The following DCLRE1B variants were observed in gnomAD, a reference collection of about 807,000 sequenced individuals.
DCLRE1B encodes the protein DNA cross-link repair 1B, also known as 5' exonuclease Apollo.
DCLRE1B carries 6 observed loss-of-function variants against 19.8 expected under a neutral mutation model. The observed-to-expected ratio is 0.30, with a 90% CI of 0.17 to 0.60. The LOEUF is 0.60. DCLRE1B is among the 20% of genes least tolerant of loss of function. The pLI, the probability that DCLRE1B is intolerant of heterozygous loss-of-function variation, is 0.87. For synonymous variants in DCLRE1B, 258 were observed against 255.7 expected (o/e 1.01, Z -0.09); for missense variants, 622 against 654.2 (o/e 0.95, Z 0.54).
rs1668895381 is a variant in DCLRE1B at position 113,905,758 on chromosome 1, T to C, written c.172T>C (p.Leu58=). The C allele has an allele frequency of 6.2e-7, 1 of 1,613,436 alleles. No individual in the cohort carries two copies. Among genetic ancestry groups the C allele is most frequent in the Non-Finnish European group, 8.5e-7 (1 of 1,179,662 alleles). ...CTGCTCCCCAATTACAGCCCACCTCTTGCATCGTCACCTACAGGTATGGGG... is the reference window on the plus strand; with the variant it reads ...CTGCTCCCCAATTACAGCCCACCTCCTGCATCGTCACCTACAGGTATGGGG... ...LYCSPITAHL[L]HRHLQVSKQW... is the part of the protein sequence containing the mutation. The change falls in exon 1 of 4, where the codon TTG becomes CTG. Residue 58 remains leucine (L), a synonymous_variant. Transcript: ENST00000650450.
At chr1:113,906,083 G>A (rs1228861662) in intron 1 of DCLRE1B, among the ~76,000 whole-genome samples, 1 of 117,174 alleles carries the variant, frequency 8.5e-6, no homozygotes, top group Non-Finnish European at 1.6e-5. Flanking sequence ...TTGAGACGGA[G>A]TCTCGCTCTG....
rs1260684779 is a variant in DCLRE1B, at chr1:113,911,242, C to T, written c.650C>T (p.Ala217Val). Reference sequence around the variant, plus strand: ...GAGTTGGTACAGCTACTGGGCCTGGCAGATGTGTTCACAGTGGAGGAGAAG... The same window carrying T: ...GAGTTGGTACAGCTACTGGGCCTGGTAGATGTGTTCACAGTGGAGGAGAAG... Reference protein sequence around the residue: ...RLELVQLLGLADVFTVEEKAG... With the variant: ...RLELVQLLGLVDVFTVEEKAG... Residue 217 changes from alanine (A) to valine (V), a missense_variant, in exon 4 of 4, where the codon GCA becomes GTA. Ala to Val is a moderately conservative substitution (Grantham distance 64). Around this residue, in one of 3 missense-constraint regions of DCLRE1B, gnomAD observed 382 missense variants for 412.5 expected, o/e 0.93. Transcript: ENST00000650450. 1.2e-6 allele frequency: 2 copies of T among 1,614,122 alleles called. No homozygotes were observed. Among genetic ancestry groups the T allele is most frequent in the Non-Finnish European group, 1.7e-6 (2 of 1,180,018 alleles).
chr1:113,905,103 T>G (rs1287331103), upstream of DCLRE1B: 3 of 361,540 alleles, frequency 8.3e-6, no homozygotes, highest in African/African-American at 4.2e-5. Flanking sequence ...ATAGGCCCAA[T>G]CTTGCTTTCT....
chr1:113,912,258 T>A lies in DCLRE1B; in HGVS notation c.*67T>A. 2.0e-6 allele frequency: 3 copies of A among 1,476,384 alleles called. No individual in the cohort carries two copies. Among genetic ancestry groups the A allele is most frequent in the Non-Finnish European group, 2.7e-6 (3 of 1,103,954 alleles). 91.5% of individuals were successfully genotyped at this position (1,476,384 alleles called of 1,614,324 possible). A position where few individuals can be genotyped will look rare whatever the true frequency, so the allele number is the denominator to read the frequency against. ...AGTTTTGAAGATAGTAACTGATGGCTGGTGGGAAAGAGTTTGTTTTTGGGG... is the reference window on the plus strand; with the variant it reads ...AGTTTTGAAGATAGTAACTGATGGCAGGTGGGAAAGAGTTTGTTTTTGGGG... On this transcript the variant is annotated 3_prime_UTR_variant, in exon 4 of 4. Transcript: ENST00000650450.
chr1:113,905,480 C>G lies in DCLRE1B; in HGVS notation c.-107C>G. The G allele has an allele frequency of 8.6e-7, 1 of 1,167,126 alleles. No homozygotes were observed. Among genetic ancestry groups the G allele is most frequent in the South Asian group, 1.3e-5 (1 of 76,064 alleles). 72.3% of individuals were successfully genotyped at this position (1,167,126 alleles called of 1,614,324 possible). On this transcript the variant is annotated 5_prime_UTR_variant, in exon 1 of 4. Coordinates refer to ENST00000650450, the MANE Select transcript of DCLRE1B (RefSeq NM_022836.4). ...GCTCTTTCCCTTAGGGTCTCTGGCC[C>G]TGTTCTTGCCCCAGCATGACTTTTA...
rs1230002539 is a variant in DCLRE1B, at chr1:113,905,529, C to T, written c.-58C>T. 2.5e-6 allele frequency: 4 copies of T among 1,570,134 alleles called. No homozygotes were observed. Among genetic ancestry groups the T allele is most frequent in the Non-Finnish European group, 3.5e-6 (4 of 1,150,468 alleles). ...TATCGGGACGCCGTTGTGGAAGCCT[C>T]ACGCAGGAGCCCTGCCCCCGTGGAG... On this transcript the variant is annotated 5_prime_UTR_variant, in exon 1 of 4. Transcript: ENST00000650450.
chr1:113,905,571 C>T lies in DCLRE1B; in HGVS notation c.-16C>T, dbSNP rs1426833413. 9.3e-6 allele frequency: 15 copies of T among 1,613,464 alleles called. No homozygotes were observed. Among genetic ancestry groups the T allele is most frequent in the African/African-American group, 2.7e-5 (2 of 74,914 alleles). ...CCCGTGGAGAAGATCCCACTGGTGA[C>T]TCCAACCCTACCACCATGAATGGGG... On this transcript the variant is annotated 5_prime_UTR_variant, in exon 1 of 4. Transcript: ENST00000650450.
In DCLRE1B at chr1:113,905,368, A is replaced by G. The variant is rs560103041; in HGVS notation, c.-219A>G. 39 of 557,116 alleles carry G rather than the reference A, an allele frequency of 7.0e-5. No individual in the cohort carries two copies. In the East Asian group the frequency reaches 1.2e-3, roughly 18 times the overall value. The allele number at this position is 557,116 out of a possible 1,614,324, so 34.5% of individuals were successfully genotyped here. A position where few individuals can be genotyped will look rare whatever the true frequency, so the allele number is the denominator to read the frequency against. On this transcript the variant is annotated 5_prime_UTR_variant, in exon 1 of 4. Transcript: ENST00000650450. ...CGGCCTCCGCTCCCGCGCGGTTGGG[A>G]GTGTCCAGCGCCCTCCGCGATTTGG...
chr1:113,906,202 G>T (rs1245975775), intron 1 of DCLRE1B, among the ~76,000 whole-genome samples: 2 of 151,704 alleles, frequency 1.3e-5, no homozygotes, highest in South Asian at 2.1e-4. Flanking sequence ...GATTACAGGC[G>T]CACGCCACCA....
Position 113,907,036 on chromosome 1 carries a change from G to A in DCLRE1B, c.230G>A (p.Ser77Asn). Reference protein sequence around the residue: ...QWIQALEVGESHVLPLDEIGQ... With the variant: ...QWIQALEVGENHVLPLDEIGQ... ...ATCCAAGCCCTGGAGGTTGGTGAGA[G>A]CCATGTATTACCCCTAGATGAAATT... Residue 77 changes from serine (S) to asparagine (N), a missense_variant, in exon 2 of 4, where the codon AGC becomes AAC. This residue lies in a region of DCLRE1B where 237 missense variants were observed against 223.8 expected (regional missense o/e 1.06). Coordinates refer to ENST00000650450, the MANE Select transcript of DCLRE1B (RefSeq NM_022836.4). 1 of 1,613,928 alleles carries A rather than the reference G, an allele frequency of 6.2e-7. No individual in the cohort carries two copies.
chr1:113,913,391 T>G lies in DCLRE1B; in HGVS notation c.*1200T>G, dbSNP rs189450092. ...AGAGTTTTCTGCTTTGAGAGAGAAA[T>G]AGAGAGTTTAGAAAGCAATTGCTCT... On this transcript the variant is annotated 3_prime_UTR_variant, in exon 4 of 4. Coordinates refer to ENST00000650450, the MANE Select transcript of DCLRE1B (RefSeq NM_022836.4). 2 of 152,798 alleles carry G rather than the reference T, an allele frequency of 1.3e-5. No individual in the cohort carries two copies. The highest frequency in any genetic ancestry group is 1.9e-4 in the East Asian group (1 of 5,314). 9.5% of individuals were successfully genotyped at this position (152,798 alleles called of 1,614,324 possible).
chr1:113,910,412 C>T (rs1221825383), intron 3 of DCLRE1B, among the ~76,000 whole-genome samples: 1 of 152,194 alleles, frequency 6.6e-6, no homozygotes, highest in Non-Finnish European at 1.5e-5. Context: ...CCTTTCTACC[C>T]TTTCCTTGCC....
In DCLRE1B at chr1:113,907,035, A is replaced by C. The variant is rs1669044595; in HGVS notation, c.229A>C (p.Ser77Arg). ...GATCCAAGCCCTGGAGGTTGGTGAG[A>C]GCCATGTATTACCCCTAGATGAAAT... is the stretch of plus-strand genomic sequence containing the variant. ...QWIQALEVGE[S>R]HVLPLDEIGQ... The change falls in exon 2 of 4, where the codon AGC (serine) becomes CGC (arginine). Residue 77 changes from serine to arginine, a missense_variant. By Grantham distance (110) the Ser-to-Arg change is moderately radical. This residue lies in a region of DCLRE1B where 237 missense variants were observed against 223.8 expected (regional missense o/e 1.06). Coordinates refer to ENST00000650450, the MANE Select transcript of DCLRE1B (RefSeq NM_022836.4). The C allele has an allele frequency of 6.2e-7, 1 of 1,613,718 alleles. No individual in the cohort carries two copies. The highest frequency in any genetic ancestry group is 8.5e-7 in the Non-Finnish European group (1 of 1,179,980).
chr1:113,906,118 G>T (rs1668939926), intron 1 of DCLRE1B, among the ~76,000 whole-genome samples: 1 of 126,578 alleles, frequency 7.9e-6, no homozygotes, highest in African/African-American at 3.1e-5. Flanking sequence ...GTGCAGTGGC[G>T]CAATCTCGGC....
At chr1:113,904,834 G>T, upstream of DCLRE1B, 1 of 936,204 alleles carries the variant, frequency 1.1e-6, no homozygotes, top group Non-Finnish European at 1.7e-6. Flanking sequence ...TACAAAAGGC[G>T]AGATCTCGCC....
At chr1:113,904,768 G>A, upstream of DCLRE1B, 1 of 1,473,594 alleles carries the variant, frequency 6.8e-7, no homozygotes, top group Non-Finnish European at 9.5e-7. Flanking sequence ...TAACTCGAGG[G>A]CTCCTTCTCG....
rs961147040 is a variant in DCLRE1B, at chr1:113,911,295, A to G, written c.703A>G (p.Met235Val). The part of the protein sequence containing the change: ...KAGRIHAVDH[M>V]EICHSNMLRW... ...TGGCCGCATCCATGCAGTAGACCAT[A>G]TGGAGATCTGCCATTCCAACATGCT... is the stretch of plus-strand genomic sequence containing the variant. Residue 235 changes from methionine (M) to valine (V), a missense_variant, in exon 4 of 4, where the codon ATG becomes GTG. By Grantham distance (21) the Met-to-Val change is conservative. Transcript: ENST00000650450. 8.1e-6 allele frequency: 13 copies of G among 1,614,032 alleles called. No homozygotes were observed. Among genetic ancestry groups the G allele is most frequent in the African/African-American group, 1.3e-5 (1 of 74,896 alleles).
Position 113,905,413 on chromosome 1 carries a change from C to T in DCLRE1B, c.-174C>T. ...ATTTGGGCTCCAGCGGGCAGGGTGACTTCCTTTTTCTGCCCACTCTGGTAA... is the reference window on the plus strand; with the variant it reads ...ATTTGGGCTCCAGCGGGCAGGGTGATTTCCTTTTTCTGCCCACTCTGGTAA... On this transcript the variant is annotated 5_prime_UTR_variant, in exon 1 of 4. Transcript: ENST00000650450. 1.5e-6 allele frequency: 1 copy of T among 668,910 alleles called. No individual in the cohort carries two copies. Among genetic ancestry groups the T allele is most frequent in the South Asian group, 2.1e-5 (1 of 48,650 alleles). 41.4% of individuals were successfully genotyped at this position (668,910 alleles called of 1,614,324 possible).
rs1221410914 is a variant in DCLRE1B at position 113,911,600 on chromosome 1, T to C, written c.1008T>C (p.Leu336=). The part of the protein sequence containing the change: ...YMSSSSRKPS[L]LWLLERRLKR... ...GTTCTTCCTCTAGAAAACCAAGCCT[T>C]CTCTGGCTGTTAGAAAGGAGGCTAA... Residue 336 remains leucine, a synonymous_variant, in exon 4 of 4, where the codon CTT becomes CTC. Coordinates refer to ENST00000650450, the MANE Select transcript of DCLRE1B (RefSeq NM_022836.4). The C allele has an allele frequency of 6.3e-7, 1 of 1,596,852 alleles. No homozygotes were observed. The highest frequency in any genetic ancestry group is 8.5e-7 in the Non-Finnish European group (1 of 1,171,646).
Sources: gnomAD v4.1 joint callset for allele counts (sites outside exome capture counted in the v4.1 genomes callset) on GRCh38, gnomAD v4.1.1 for gene constraint, gnomAD v4.1.1 regional missense constraint, MANE v1.5 for transcripts, NCBI Gene and HGNC (gene_info 2026-07-23, HGNC 2026-07-21) for gene names.